Variants in LDB2 observed in about 807,000 individuals in gnomAD.
LDB2 encodes the protein LIM domain binding 2, also known as LIM domain-binding protein 2.
Under a neutral mutation model 44.3 loss-of-function variants are expected in LDB2, and 12 were observed. The observed-to-expected ratio is 0.27, with a 90% confidence interval of 0.17 to 0.44. The LOEUF is 0.44. LDB2 is among the 20% of genes least tolerant of loss of function. The pLI, the probability that LDB2 is intolerant of heterozygous loss-of-function variation, is 1.00. For missense variants in LDB2, 344 were observed against 473.5 expected (o/e 0.73, Z 2.54); for synonymous variants, 164 against 174.8 (o/e 0.94, Z 0.49).
At chr4:16,746,405 C>T (rs1301600801) in intron 2 of LDB2, among the ~76,000 whole-genome samples, 1 of 151,954 alleles carries the variant, frequency 6.6e-6, no homozygotes, top group African/African-American at 2.4e-5. Context: ...TCTTTTTAGC[C>T]AAAGCCACGG....
chr4:16,716,504 C>T (rs530443368), intron 2 of LDB2, among the ~76,000 whole-genome samples: 5 of 152,274 alleles, frequency 3.3e-5, no homozygotes, highest in Admixed American at 1.3e-4. Context: ...CCTGAAGTAG[C>T]AATGCTTTAG....
At chr4:16,721,311 G>T (rs480450) in intron 2 of LDB2, among the ~76,000 whole-genome samples, 60,907 of 151,940 alleles carry the variant, frequency 0.4, 12,356 homozygotes, top group Admixed American at 0.44. Flanking sequence ...TGAAGCAAAC[G>T]GATAGATAAT....
chr4:16,791,004 C>G (rs1775582891), intron 1 of LDB2, among the ~76,000 whole-genome samples: 1 of 152,118 alleles, frequency 6.6e-6, no homozygotes, highest in Non-Finnish European at 1.5e-5. Context: ...CTTCTATTTT[C>G]TAGAAAAGCC....
chr4:16,667,327 A>T (rs1743553374), intron 2 of LDB2, among the ~76,000 whole-genome samples: 2 of 152,202 alleles, frequency 1.3e-5, no homozygotes, highest in Non-Finnish European at 2.9e-5. Context: ...CTTGCCGTGC[A>T]CGGAGCCCTG....
chr4:16,771,136 A>T (rs1363916789), intron 1 of LDB2, among the ~76,000 whole-genome samples: 1 of 152,166 alleles, frequency 6.6e-6, no homozygotes, highest in Admixed American at 6.5e-5. Flanking sequence ...AATGACAAGA[A>T]TAATTCTTCA....
chr4:16,560,904 T>G (rs1741910375), intron 5 of LDB2, among the ~76,000 whole-genome samples: 1 of 152,220 alleles, frequency 6.6e-6, no homozygotes, highest in Non-Finnish European at 1.5e-5. Context: ...GATGCAAGAC[T>G]GGTTCAATAT....
At chr4:16,834,401 C>T (rs1420266578) in intron 1 of LDB2, among the ~76,000 whole-genome samples, 1 of 152,168 alleles carries the variant, frequency 6.6e-6, no homozygotes, top group African/African-American at 2.4e-5. Flanking sequence ...ACCTATGTGG[C>T]GTGATTGAGT....
At chr4:16,657,481 T>C (rs1191391359) in intron 2 of LDB2, among the ~76,000 whole-genome samples, 1 of 152,218 alleles carries the variant, frequency 6.6e-6, no homozygotes, top group East Asian at 1.9e-4. Flanking sequence ...TCATCCATTA[T>C]CTATGCAGCA....
At chr4:16,818,688 G>A (rs1472506900) in intron 1 of LDB2, among the ~76,000 whole-genome samples, 1 of 152,138 alleles carries the variant, frequency 6.6e-6, no homozygotes, top group Non-Finnish European at 1.5e-5. Flanking sequence ...GTACAGTAAG[G>A]CTTAAAGAGG....
chr4:16,723,528 T>G (rs1477982390), intron 2 of LDB2, among the ~76,000 whole-genome samples: 1 of 152,190 alleles, frequency 6.6e-6, no homozygotes, highest in African/African-American at 2.4e-5. Context: ...TGATTAAATT[T>G]CCAATACATG....
At chr4:16,806,860 T>G (rs1217186472) in intron 1 of LDB2, among the ~76,000 whole-genome samples, 3 of 151,974 alleles carry the variant, frequency 2.0e-5, no homozygotes, top group African/African-American at 7.3e-5. Context: ...TGTTCTCATT[T>G]TCTCATCTAC....
At chr4:16,553,366 T>C (rs1328955528) in intron 5 of LDB2, among the ~76,000 whole-genome samples, 2 of 152,088 alleles carry the variant, frequency 1.3e-5, no homozygotes, top group Non-Finnish European at 2.9e-5. Context: ...CTTGCTATGT[T>C]GCCCAGGCTT....
At chr4:16,714,757 G>A (rs1756699590) in intron 2 of LDB2, among the ~76,000 whole-genome samples, 1 of 152,054 alleles carries the variant, frequency 6.6e-6, no homozygotes, top group Non-Finnish European at 1.5e-5. Context: ...ACTTCTGGTG[G>A]CTGCTGGTAA....
intron 5 of LDB2, among the ~76,000 whole-genome samples, chr4:16,538,549 T>C (rs1029953024): frequency 5.3e-5 from 8 of 152,218 alleles, no homozygotes; most frequent in Non-Finnish European, 1.2e-4. Context: ...TCAGTTCTGA[T>C]GTTTATTTCA....
chr4:16,669,337 C>G (rs1237357893), intron 2 of LDB2, among the ~76,000 whole-genome samples: 1 of 152,140 alleles, frequency 6.6e-6, no homozygotes, highest in Non-Finnish European at 1.5e-5. Context: ...TTGGTTTGGG[C>G]TATGAGCTAT....
At chr4:16,824,813 T>C (rs1782758250) in intron 1 of LDB2, among the ~76,000 whole-genome samples, 1 of 152,232 alleles carries the variant, frequency 6.6e-6, no homozygotes, top group Non-Finnish European at 1.5e-5. Flanking sequence ...ACATGGTTAT[T>C]GAGTGCCAGC....
At chr4:16,889,684 T>C (rs986757884) in intron 1 of LDB2, among the ~76,000 whole-genome samples, 3 of 152,224 alleles carry the variant, frequency 2.0e-5, no homozygotes, top group African/African-American at 7.2e-5. Context: ...ACATCAGCCA[T>C]GTGCTATATA....
chr4:16,685,857 T>C (rs1415648447), intron 2 of LDB2, among the ~76,000 whole-genome samples: 1 of 152,004 alleles, frequency 6.6e-6, no homozygotes, highest in Non-Finnish European at 1.5e-5. Context: ...GCAACCAGCC[T>C]AGCCAACACA....
intron 2 of LDB2, among the ~76,000 whole-genome samples, chr4:16,652,909 C>T (rs1738715102): frequency 6.6e-6 from 1 of 152,190 alleles, no homozygotes; most frequent in African/African-American, 2.4e-5. Flanking sequence ...TTTCAGTAAA[C>T]ACTGAATATA....
Sources: allele counts gnomAD v4.1 joint callset (sites outside exome capture counted in the v4.1 genomes callset), GRCh38; gene constraint gnomAD v4.1.1; transcripts MANE v1.5; gene names NCBI Gene and HGNC (gene_info 2026-07-23, HGNC 2026-07-21).